The following FRMD4A variants were observed in gnomAD, a reference collection of about 807,000 sequenced individuals.
FRMD4A encodes FERM domain-containing protein 4A.
FRMD4A carries 29 observed loss-of-function variants against 129.1 expected under a neutral mutation model. That is an observed-to-expected ratio of 0.22 (90% CI 0.17 to 0.31). The LOEUF is 0.31. FRMD4A is among the 10% of genes least tolerant of loss of function. The pLI is 1.00. For missense variants in FRMD4A, 1,272 were observed against 1,375.8 expected, an observed-to-expected ratio of 0.92 and a Z score of 1.19; for synonymous variants, 634 against 571.6, an observed-to-expected ratio of 1.11 and a Z score of -1.56.
chr10:14,167,363 C>A (rs1285272804), intron 2 of FRMD4A, among the ~76,000 whole-genome samples: 2 of 151,704 alleles, frequency 1.3e-5, no homozygotes, highest in East Asian at 1.9e-4. Context: ...GAAACCCTGT[C>A]TCTACTAAAA....
intron 2 of FRMD4A, among the ~76,000 whole-genome samples, chr10:14,117,986 G>A (rs967799045): frequency 6.6e-6 from 1 of 152,174 alleles, no homozygotes; most frequent in African/African-American, 2.4e-5. Context: ...TAGGACCATT[G>A]TCTTTTCCTG....
At chr10:13,965,065 A>ATTT (rs398012865) in intron 2 of FRMD4A, among the ~76,000 whole-genome samples, 27,439 of 140,954 alleles carry the variant, frequency 0.19, 3,200 homozygotes, top group South Asian at 0.34. Flanking sequence ...ACCACTGGGC[A>ATTT]TTTTTTTTTT....
At chr10:14,298,116 A>C (rs1846067489) in intron 2 of FRMD4A, among the ~76,000 whole-genome samples, 1 of 152,224 alleles carries the variant, frequency 6.6e-6, no homozygotes, top group South Asian at 2.1e-4. Flanking sequence ...TACCAAGACA[A>C]AGGTGAGCAG....
chr10:13,822,073 A>G (rs757592102), intron 3 of FRMD4A, among the ~76,000 whole-genome samples: 2 of 152,168 alleles, frequency 1.3e-5, no homozygotes, highest in Non-Finnish European at 2.9e-5. Flanking sequence ...ACATACACAC[A>G]CACATATGTA....
chr10:14,308,385 C>T (rs1374012317), intron 2 of FRMD4A, among the ~76,000 whole-genome samples: 1 of 151,378 alleles, frequency 6.6e-6, no homozygotes, highest in East Asian at 1.9e-4. Context: ...TGGATACTGA[C>T]TACCAATTTA....
chr10:13,788,067 A>G (rs2092911599), intron 5 of FRMD4A, among the ~76,000 whole-genome samples: 2 of 152,240 alleles, frequency 1.3e-5, no homozygotes, highest in Admixed American at 6.5e-5. Context: ...GTCTGCATGG[A>G]CAGTTCCGAG....
chr10:14,070,061 T>C (rs1323357189), intron 2 of FRMD4A, among the ~76,000 whole-genome samples: 1 of 152,222 alleles, frequency 6.6e-6, no homozygotes, highest in Non-Finnish European at 1.5e-5. Flanking sequence ...TTGCTGCATG[T>C]AGACTTTCTC....
chr10:13,740,077 A>C (rs1310254833), intron 11 of FRMD4A, 117 bp downstream of exon 11: 5 of 718,200 alleles, frequency 7.0e-6, no homozygotes, highest in Non-Finnish European at 1.2e-5. Flanking sequence ...CCAGCCTGGG[A>C]GACAAAGCAA....
At position 13,835,094 on chromosome 10, in the gene FRMD4A, T is replaced by C. The variant is rs189425015; in HGVS notation, c.111+23753A>G. Among the ~76,000 whole-genome samples, 57 of 152,332 alleles carry C rather than the reference T, an allele frequency of 3.7e-4. No individual in the cohort carries two copies. In the East Asian group the frequency reaches 8.3e-3, roughly 22 times the overall value. ...AAAGAAATATGCTTTCTTATCCTTT[T>C]CAAAATGCATTCATTCAGCACAGCG... On this transcript the variant is annotated intron_variant, in intron 3 of 24. Coordinates refer to ENST00000357447, the MANE Select transcript of FRMD4A (RefSeq NM_018027.5).
chr10:14,293,376 A>T (rs1394674921), intron 2 of FRMD4A, among the ~76,000 whole-genome samples: 1 of 152,168 alleles, frequency 6.6e-6, no homozygotes, highest in Non-Finnish European at 1.5e-5. Context: ...AGCCTCCAGA[A>T]CTGTGAGCCA....
At chr10:13,670,162 C>T (rs1248007187) in intron 17 of FRMD4A, among the ~76,000 whole-genome samples, 1 of 152,142 alleles carries the variant, frequency 6.6e-6, no homozygotes, top group Non-Finnish European at 1.5e-5. Flanking sequence ...TGGCTGCTTG[C>T]GCTAGACCCA....
At chr10:14,267,985 T>C (rs77055808) in intron 2 of FRMD4A, among the ~76,000 whole-genome samples, 9,775 of 152,288 alleles carry the variant, frequency 0.064, 393 homozygotes, top group Non-Finnish European at 0.089. Flanking sequence ...AGTGGGTAAC[T>C]AATCTGGGTT....
intron 2 of FRMD4A, among the ~76,000 whole-genome samples, chr10:13,949,857 T>C (rs2095359853): frequency 6.6e-6 from 1 of 152,216 alleles, no homozygotes; most frequent in African/African-American, 2.4e-5. Context: ...CCATGGAGAT[T>C]TCTCAGCGTC....
chr10:13,714,820 G>C (rs748250665), intron 12 of FRMD4A, among the ~76,000 whole-genome samples: 1 of 151,574 alleles, frequency 6.6e-6, no homozygotes, highest in African/African-American at 2.4e-5. Context: ...TGGGCCCATC[G>C]TGAGGTCAGA....
At chr10:14,037,085 T>C (rs10906575) in intron 2 of FRMD4A, among the ~76,000 whole-genome samples, 136,272 of 152,230 alleles carry the variant, frequency 0.9, 62,033 homozygotes, top group Non-Finnish European at 0.97. Flanking sequence ...TTTTACATGC[T>C]TCTTGAGATA....
At chr10:13,735,675 G>A (rs1361821438) in intron 12 of FRMD4A, among the ~76,000 whole-genome samples, 1 of 152,216 alleles carries the variant, frequency 6.6e-6, no homozygotes, top group Non-Finnish European at 1.5e-5. Context: ...AGCTTAGAGG[G>A]AGAAGAGATT....
chr10:14,153,987 G>T (rs1840472600), intron 2 of FRMD4A, among the ~76,000 whole-genome samples: 2 of 150,388 alleles, frequency 1.3e-5, no homozygotes, highest in African/African-American at 4.8e-5. Context: ...CCATGACGGG[G>T]TCGCGGCTTC....
intron 2 of FRMD4A, among the ~76,000 whole-genome samples, chr10:14,048,678 C>G (rs1311744495): frequency 6.6e-6 from 1 of 152,084 alleles, no homozygotes; most frequent in Admixed American, 6.5e-5. Flanking sequence ...TGGTGTCAGG[C>G]ACCTGTAGTC....
chr10:13,739,971 A>G (rs753069863), intron 11 of FRMD4A, among the ~76,000 whole-genome samples: 3 of 152,168 alleles, frequency 2.0e-5, no homozygotes, highest in Non-Finnish European at 2.9e-5. Context: ...GTGGTGGCGC[A>G]TGCCTGTAAT....
Sources: allele counts gnomAD v4.1 joint callset (sites outside exome capture counted in the v4.1 genomes callset), GRCh38; gene constraint gnomAD v4.1.1; transcripts MANE v1.5; gene names NCBI Gene and HGNC (gene_info 2026-07-23, HGNC 2026-07-21).